Variants in RBFOX1 observed in about 807,000 individuals in gnomAD.
RBFOX1 encodes RNA binding fox-1 homolog 1.
A neutral mutation model predicts 57.7 loss-of-function variants in RBFOX1; 8 were observed. The observed-to-expected ratio is 0.14, with a 90% CI of 0.08 to 0.25. RBFOX1 has a LOEUF of 0.25. Ranked by LOEUF, RBFOX1 falls within the 10% of genes least tolerant of loss-of-function variation. The pLI is 1.00. For synonymous variants in RBFOX1, 326 were observed against 222.4 expected (o/e 1.47, Z -4.15); for missense variants, 611 against 548.5 (o/e 1.11, Z -1.14).
rs1450293853 is a variant in RBFOX1, at chr16:6,011,865, T to G, written c.351+144530T>G. The stretch of plus-strand genomic sequence containing the variant: ...ATGGACAGTGGTGATCTTGTCATCT[T>G]TGTTAGTTTGAGGTAAAATGGTGTT... On this transcript the variant is annotated intron_variant, in intron 4 of 19. Transcript: ENST00000641259. Among the ~76,000 whole-genome samples the G allele has an allele frequency of 3.3e-5, 5 of 152,180 alleles. No individual in the cohort carries two copies. The South Asian group carries it at 1.0e-3, about 31-fold the overall frequency.
intron 4 of RBFOX1, among the ~76,000 whole-genome samples, chr16:7,399,610 G>A (rs932111340): frequency 6.6e-6 from 1 of 152,144 alleles, no homozygotes. Context: ...GCTTGTAGAT[G>A]CATCTCGTCC....
intron 13 of RBFOX1, among the ~76,000 whole-genome samples, chr16:7,676,170 A>G (rs900807742): frequency 2.0e-5 from 3 of 152,248 alleles, no homozygotes; most frequent in African/African-American, 7.2e-5. Flanking sequence ...TAACCATGTG[A>G]TATCTTTGGC....
At chr16:7,167,705 C>T (rs565257566) in intron 4 of RBFOX1, among the ~76,000 whole-genome samples, 2 of 152,324 alleles carry the variant, frequency 1.3e-5, no homozygotes, top group South Asian at 2.1e-4. Context: ...GAGCCAAATC[C>T]AGCCTGACAC....
intron 11 of RBFOX1, among the ~76,000 whole-genome samples, chr16:7,631,472 C>A (rs2060949607): frequency 6.6e-6 from 1 of 152,220 alleles, no homozygotes; most frequent in African/African-American, 2.4e-5. Context: ...ACTGACTCTA[C>A]CATGTTCTCC....
chr16:6,535,779 T>C lies in RBFOX1; in HGVS notation c.-63-118824T>C, dbSNP rs372619258. 1.5e-4 allele frequency among the ~76,000 whole-genome samples: 23 copies of C among 152,322 alleles called. 1 individual carries two copies. The South Asian group carries it at 4.8e-3, about 32-fold the overall frequency. On this transcript the variant is annotated intron_variant, in intron 2 of 15. Coordinates refer to ENST00000550418, the MANE Select transcript of RBFOX1 (RefSeq NM_018723.4). ...GGGGCTATCACAACCAGCATATGTG[T>C]ATTTAATTAGTCACTGCCTATTTTT...
At chr16:6,788,666 G>T (rs999454492) in intron 3 of RBFOX1, among the ~76,000 whole-genome samples, 42 of 151,746 alleles carry the variant, frequency 2.8e-4, no homozygotes, top group African/African-American at 8.2e-4. Context: ...TAGTAGAGAC[G>T]GGGTTTCACC....
chr16:6,992,893 A>G (rs1403859334), intron 3 of RBFOX1, among the ~76,000 whole-genome samples: 1 of 151,044 alleles, frequency 6.6e-6, no homozygotes, highest in Admixed American at 6.6e-5. Flanking sequence ...CCCACCGCCC[A>G]AGCACGGTGT....
At chr16:6,489,885 C>G (rs1448656350) in intron 2 of RBFOX1, among the ~76,000 whole-genome samples, 2 of 152,064 alleles carry the variant, frequency 1.3e-5, no homozygotes. Flanking sequence ...GATGAGTGAT[C>G]TCCATTTTAT....
chr16:6,018,812 G>A (rs1016585305), upstream of RBFOX1, among the ~76,000 whole-genome samples: 1 of 152,040 alleles, frequency 6.6e-6, no homozygotes, highest in Non-Finnish European at 1.5e-5. Flanking sequence ...GCCCACCTGG[G>A]GACTACCAGG....
intron 4 of RBFOX1, among the ~76,000 whole-genome samples, chr16:7,416,326 C>G (rs1192614581): frequency 1.3e-5 from 2 of 152,192 alleles, no homozygotes; most frequent in East Asian, 1.9e-4. Context: ...CAAGTCAAAG[C>G]TTTCTGTTGA....
intron 4 of RBFOX1, among the ~76,000 whole-genome samples, chr16:7,094,647 A>T (rs533286846): frequency 1.1e-3 from 161 of 141,230 alleles, no homozygotes; most frequent in African/African-American, 4.0e-3. Context: ...TTTTTTTTTT[A>T]AATCATTACA....
intron 4 of RBFOX1, among the ~76,000 whole-genome samples, chr16:5,990,262 G>T (rs544768738): frequency 1.4e-5 from 2 of 144,782 alleles, no homozygotes; most frequent in East Asian, 2.6e-4. Flanking sequence ...AATTGCTGGG[G>T]TTACAGGCAT....
chr16:5,629,847 T>A (rs971951149), intron 3 of RBFOX1, among the ~76,000 whole-genome samples: 1 of 152,234 alleles, frequency 6.6e-6, no homozygotes, highest in African/African-American at 2.4e-5. Flanking sequence ...AGTGAAATTC[T>A]GGCCTTGAAG....
intron 1 of RBFOX1, among the ~76,000 whole-genome samples, chr16:6,124,329 A>G (rs1597524962): frequency 6.6e-6 from 1 of 152,172 alleles, no homozygotes; most frequent in Middle Eastern, 3.4e-3. Flanking sequence ...CCAGCGTGAA[A>G]GTTTTCACTC....
chr16:6,311,812 T>G (rs2080350400), intron 1 of RBFOX1, among the ~76,000 whole-genome samples: 1 of 152,120 alleles, frequency 6.6e-6, no homozygotes, highest in Admixed American at 6.5e-5. Flanking sequence ...GTGGCTTCAG[T>G]GCACTTCCTG....
At chr16:5,260,068 G>C (rs986805497) in intron 1 of RBFOX1, among the ~76,000 whole-genome samples, 4 of 152,148 alleles carry the variant, frequency 2.6e-5, no homozygotes, top group African/African-American at 9.7e-5. Flanking sequence ...AGGCATGATG[G>C]TGCATGCCTA....
chr16:6,454,875 T>TGG (rs1405826637), intron 2 of RBFOX1, among the ~76,000 whole-genome samples: 1 of 53,756 alleles, frequency 1.9e-5, no homozygotes, highest in African/African-American at 7.2e-5. Context: ...TTTTTTTTTT[T>TGG]TTTTTTTTTT....
intron 1 of RBFOX1, among the ~76,000 whole-genome samples, chr16:5,404,112 G>C (rs534344361): frequency 2.0e-5 from 3 of 151,580 alleles, no homozygotes; most frequent in African/African-American, 4.8e-5. Context: ...AGATGACAAA[G>C]GAGATGGGGA....
At chr16:6,456,692 A>T (rs2094782364) in intron 2 of RBFOX1, among the ~76,000 whole-genome samples, 2 of 152,164 alleles carry the variant, frequency 1.3e-5, no homozygotes, top group Admixed American at 1.3e-4. Flanking sequence ...GCTGATGGGC[A>T]CTTTGGGTGG....
Sources: allele counts gnomAD v4.1 joint callset (sites outside exome capture counted in the v4.1 genomes callset), GRCh38; gene constraint gnomAD v4.1.1; transcripts MANE v1.5; gene names NCBI Gene and HGNC (gene_info 2026-07-23, HGNC 2026-07-21).